Variants in CBX7 observed in about 807,000 individuals in gnomAD.
CBX7 encodes the protein chromobox protein homolog 7.
In CBX7, 14 loss-of-function variants were observed where a neutral mutation model predicts 31.4. The ratio of observed to expected loss-of-function variants is 0.45; its 90% CI spans 0.29 to 0.70. CBX7 has a LOEUF of 0.70. Among genes scored for constraint, CBX7 ranks in the 30% least tolerant of loss-of-function variants. CBX7 has a pLI of 0.11. For missense variants in CBX7, 269 were observed against 351.9 expected, an observed-to-expected ratio of 0.76 and a Z score of 1.89; for synonymous variants, 159 against 152.6, an observed-to-expected ratio of 1.04 and a Z score of -0.31.
chr22:39,149,734 G>A, intron 2 of CBX7, 55 bp downstream of exon 2: 1 of 1,531,170 alleles, frequency 6.5e-7, no homozygotes, highest in Non-Finnish European at 9.1e-7. Context: ...GGCAGGTGGA[G>A]GAATGCATGG....
Position 39,138,697 on chromosome 22 carries a change from T to C in CBX7, c.185A>G (p.Glu62Gly), listed in dbSNP as rs908945381. The change falls in exon 4 of 6, where the codon GAG becomes GGG. Residue 62 changes from glutamate to glycine, a missense_variant. By Grantham distance (98) the Glu-to-Gly change is moderately conservative (BLOSUM62 -2). Coordinates refer to ENST00000216133, the MANE Select transcript of CBX7 (RefSeq NM_175709.5). ...CCTATACCCCGATGCTCGGTCTCTC[T>C]CCTCCCTGGGGTGTGAAGCAGGTGG... ...RLVMAYEEKE[E>G]RDRASGYRKR... 25 of 1,613,926 alleles carry C rather than the reference T, an allele frequency of 1.5e-5. No homozygotes were observed. The highest frequency in any genetic ancestry group is 2.0e-5 in the Non-Finnish European group (24 of 1,179,958).
intron 1 of CBX7, among the ~76,000 whole-genome samples, chr22:39,150,864 G>C (rs1387140757): frequency 6.6e-6 from 1 of 152,232 alleles, no homozygotes; most frequent in African/African-American, 2.4e-5. Flanking sequence ...CCTCACAGAG[G>C]CTTTCCCTGG....
intron 3 of CBX7, among the ~76,000 whole-genome samples, chr22:39,140,731 TG>T (rs11317084): frequency 0.22 from 32,761 of 151,516 alleles, 4,135 homozygotes; most frequent in East Asian, 0.43. Flanking sequence ...TGCCTGCTGG[TG>T]GGGGGGGCGG....
Position 39,131,537 on chromosome 22 carries a change from G to A in CBX7, c.*2354C>T, listed in dbSNP as rs1176397081. 6.6e-6 allele frequency: 1 copy of A among 152,516 alleles called. No individual in the cohort carries two copies. Among genetic ancestry groups the A allele is most frequent in the South Asian group, 2.1e-4 (1 of 4,822 alleles). 9.4% of individuals were successfully genotyped at this position (152,516 alleles called of 1,614,324 possible). Reference sequence around the variant, plus strand: ...AGGGAGCTGGCTCACTACAGCCCATGAGCCACCTGGCTGCCCTGAGCTGGG... The same window carrying A: ...AGGGAGCTGGCTCACTACAGCCCATAAGCCACCTGGCTGCCCTGAGCTGGG... On this transcript the variant is annotated 3_prime_UTR_variant, in exon 6 of 6. Coordinates refer to ENST00000216133, the MANE Select transcript of CBX7 (RefSeq NM_175709.5).
chr22:39,146,946 C>T (rs1441160972), intron 2 of CBX7, among the ~76,000 whole-genome samples: 2 of 152,210 alleles, frequency 1.3e-5, no homozygotes, highest in Admixed American at 1.3e-4. Context: ...TTCCCTGTCC[C>T]GGGCCCCGAG....
chr22:39,134,541 C>T lies in CBX7; in HGVS notation c.458G>A (p.Arg153His), dbSNP rs1006263514. 8 of 1,609,850 alleles carry T rather than the reference C, an allele frequency of 5.0e-6. No individual in the cohort carries two copies. Among genetic ancestry groups the T allele is most frequent in the East Asian group, 2.2e-5 (1 of 44,748 alleles). The change falls in exon 5 of 6, where the codon CGC becomes CAC. Residue 153 changes from arginine to histidine, a missense_variant. Arg to His is a conservative substitution (Grantham distance 29). This residue lies in a region of CBX7 where 222 missense variants were observed against 240.4 expected (regional missense o/e 0.92). Transcript: ENST00000216133. ...RKAHKYLRLS[R>H]KKFPPRGPNL... ...GGGCCCGCGGGGCGGGAACTTCTTG[C>T]GCGAGAGCCGCAGGTACTTGTGGGC... is the stretch of plus-strand genomic sequence containing the variant.
At position 39,134,522 on chromosome 22, in the gene CBX7, G is replaced by T. The variant is rs1013123200; in HGVS notation, c.477C>A (p.Arg159=). 53 of 1,611,732 alleles carry T rather than the reference G, an allele frequency of 3.3e-5. No homozygotes were observed. Among genetic ancestry groups the T allele is most frequent in the Non-Finnish European group, 4.3e-5 (51 of 1,179,600 alleles). ...GGCTGTGGCTCTCCAGGTTGGGCCCGCGGGGCGGGAACTTCTTGCGCGAGA... is the reference window on the plus strand; with the variant it reads ...GGCTGTGGCTCTCCAGGTTGGGCCCTCGGGGCGGGAACTTCTTGCGCGAGA... ...LRLSRKKFPP[R]GPNLESHSHR... The change falls in exon 5 of 6, where the codon CGC becomes CGA. Residue 159 remains arginine (R), a synonymous_variant. Coordinates refer to ENST00000216133, the MANE Select transcript of CBX7 (RefSeq NM_175709.5).
intron 5 of CBX7, 146 bp from the exon 6 acceptor site, chr22:39,134,194 G>T (rs998684737): frequency 1.5e-5 from 14 of 903,276 alleles, no homozygotes; most frequent in Non-Finnish European, 2.3e-5. Context: ...TTGGGAGGAG[G>T]GCACTGGGTG....
rs919861789 is a variant in CBX7 at position 39,140,941 on chromosome 22, G to T, written c.179+430C>A. 7.2e-5 allele frequency among the ~76,000 whole-genome samples: 11 copies of T among 152,190 alleles called. 1 individual carries two copies. The highest frequency in any genetic ancestry group is 6.5e-4 in the Admixed American group (10 of 15,282). On this transcript the variant is annotated intron_variant, in intron 3 of 5. Transcript: ENST00000216133. ...CAGACACTCCTTCCTGCCCTAAGAG[G>T]TCCTCTAGAGACACCGTCTCTGATC... is the stretch of plus-strand genomic sequence containing the variant.
intron 2 of CBX7, 31 bp from the exon 3 acceptor site, chr22:39,141,467 G>A (rs1930453198): frequency 6.3e-7 from 1 of 1,592,572 alleles, no homozygotes; most frequent in South Asian, 1.1e-5. Flanking sequence ...TCAGAGTTGG[G>A]GCTGGGCGCG....
At position 39,133,960 on chromosome 22, in the gene CBX7, G is replaced by A. The variant is rs753082254; in HGVS notation, c.687C>T (p.Ser229=). ...GGGCCTCGCGGAAGGTGACGGTGAT[G>A]GAGTTGGCGGTGATGTCGGTCACGG... ...EVTVTDITAN[S]ITVTFREAQA... is the part of the protein sequence containing the mutation. Residue 229 remains serine, a synonymous_variant, in exon 6 of 6, where the codon TCC becomes TCT. Coordinates refer to ENST00000216133, the MANE Select transcript of CBX7 (RefSeq NM_175709.5). 2 of 1,614,014 alleles carry A rather than the reference G, an allele frequency of 1.2e-6. No homozygotes were observed. Among genetic ancestry groups the A allele is most frequent in the Middle Eastern group, 1.7e-4 (1 of 6,056 alleles).
intron 2 of CBX7, among the ~76,000 whole-genome samples, chr22:39,145,740 G>C (rs1238494813): frequency 6.6e-6 from 1 of 150,584 alleles, no homozygotes; most frequent in African/African-American, 2.4e-5. Flanking sequence ...CGGGGGCGGG[G>C]ACAGGGACGG....
chr22:39,149,796 G>A lies in CBX7; in HGVS notation c.106C>T (p.Pro36Ser). The A allele has an allele frequency of 6.2e-7, 1 of 1,613,810 alleles. No individual in the cohort carries two copies. The change falls in exon 2 of 6, where the codon CCC (proline) becomes TCC (serine). Residue 36 changes from proline to serine, a missense_variant. Physicochemically the swap from Pro to Ser is moderately conservative, Grantham distance 74. Around this residue, in one of 2 missense-constraint regions of CBX7, gnomAD observed 47 missense variants for 111.5 expected, o/e 0.42. Coordinates refer to ENST00000216133, the MANE Select transcript of CBX7 (RefSeq NM_175709.5). ...VEYLVKWKGW[P>S]PKYSTWEPEE... ...ACACATGAAGGAGCTTACTTTGGGG[G>A]CCATCCTTTCCACTTCACCAGATAC...
chr22:39,135,567 A>G (rs1930223790), intron 4 of CBX7: 1 of 152,222 alleles, frequency 6.6e-6, no homozygotes, highest in Admixed American at 6.5e-5. Flanking sequence ...ATCAGATGGG[A>G]CCTGTGAGGT....
chr22:39,149,609 C>T (rs535455978), intron 2 of CBX7, 180 bp downstream of exon 2: 1 of 623,212 alleles, frequency 1.6e-6, no homozygotes, highest in African/African-American at 1.8e-5. Context: ...CCACCTTGAC[C>T]CTCCTGTGGT....
intron 4 of CBX7, among the ~76,000 whole-genome samples, chr22:39,137,719 T>G (rs1350061014): frequency 6.6e-6 from 1 of 152,038 alleles, no homozygotes; most frequent in Non-Finnish European, 1.5e-5. Context: ...TCCCTGTCAC[T>G]GCAAAGCACT....
chr22:39,148,005 T>A (rs1473977268), intron 2 of CBX7: 1 of 152,252 alleles, frequency 6.6e-6, no homozygotes, highest in Non-Finnish European at 1.5e-5. Context: ...CACAGTAGCC[T>A]GCAAAGGAGG....
rs764496248 is a variant in CBX7, at chr22:39,134,086, A to G, written c.599-38T>C. ...ACACACAGATGGGGGCAGCGTTGAC[A>G]AGGTGGGAAGCCATGCAGACCACCC... On this transcript the variant is annotated intron_variant, in intron 5 of 5. Transcript: ENST00000216133. 4 of 1,556,018 alleles carry G rather than the reference A, an allele frequency of 2.6e-6. No homozygotes were observed. The East Asian group carries it at 9.1e-5, about 36-fold the overall frequency.
Position 39,133,825 on chromosome 22 carries a change from C to A in CBX7, c.*66G>T. 3.6e-6 allele frequency: 5 copies of A among 1,402,092 alleles called. No individual in the cohort carries two copies. The highest frequency in any genetic ancestry group is 4.8e-6 in the Non-Finnish European group (5 of 1,035,414). 86.9% of individuals were successfully genotyped at this position (1,402,092 alleles called of 1,614,324 possible). On this transcript the variant is annotated 3_prime_UTR_variant, in exon 6 of 6. Coordinates refer to ENST00000216133, the MANE Select transcript of CBX7 (RefSeq NM_175709.5). ...AATAATTACCCCGCCCCCAACCCAT[C>A]CCTATCTCTGGAAGTCCCACCCCAA...
Sources: gnomAD v4.1 joint callset for allele counts (sites outside exome capture counted in the v4.1 genomes callset) on GRCh38, gnomAD v4.1.1 for gene constraint, gnomAD v4.1.1 regional missense constraint, MANE v1.5 for transcripts, NCBI Gene and HGNC (gene_info 2026-07-23, HGNC 2026-07-21) for gene names.